The following DFFB variants were observed in gnomAD, a reference collection of about 807,000 sequenced individuals.
DFFB encodes DNA fragmentation factor 40 kDa subunit.
In DFFB, 29 loss-of-function variants were observed where a neutral mutation model predicts 32.7. That is an observed-to-expected ratio of 0.89 (90% CI 0.66 to 1.21). The LOEUF (loss-of-function observed/expected upper bound fraction) is 1.21. Ranked by LOEUF, DFFB falls within the 50% of genes most tolerant of loss-of-function variation. The pLI is 0.00. For missense variants in DFFB, 398 were observed against 440.6 expected (o/e 0.90, Z 0.87); for synonymous variants, 170 against 177.1 (o/e 0.96, Z 0.32).
At chr1:3,877,328 G>GTTTTTTTT (rs5772128) in intron 6 of DFFB, among the ~76,000 whole-genome samples, 2,169 of 113,690 alleles carry the variant, frequency 0.019, 201 homozygotes, top group African/African-American at 0.074. Flanking sequence ...TGGGAGTTCA[G>GTTTTTTTT]TTTTTTTTTT....
rs201777970 is a variant in DFFB at position 3,883,744 on chromosome 1, C to G, written c.*3C>G. 10 of 1,612,250 alleles carry G rather than the reference C, an allele frequency of 6.2e-6. No individual in the cohort carries two copies. Among genetic ancestry groups the G allele is most frequent in the Non-Finnish European group, 7.6e-6 (9 of 1,178,438 alleles). On this transcript the variant is annotated 3_prime_UTR_variant, in exon 7 of 7. Transcript: ENST00000378209. ...AGCCTGTGCGGAAACGCCAGTGACA[C>G]GTACACACCACGTCCTGGTCTTTGT...
Position 3,872,648 on chromosome 1 carries a change from T to TGGCCCTGTCCCTGCCAC in DFFB, c.782+96_782+112dup, listed in dbSNP as rs903383818. 9 of 424,978 alleles carry TGGCCCTGTCCCTGCCAC rather than the reference T, an allele frequency of 2.1e-5. 1 individual carries two copies. Among genetic ancestry groups the TGGCCCTGTCCCTGCCAC allele is most frequent in the African/African-American group, 8.2e-5 (2 of 24,268 alleles). The allele number at this position is 424,978 out of a possible 1,614,324, so 26.3% of individuals were successfully genotyped here. On this transcript the variant is annotated intron_variant, in intron 6 of 6. Coordinates refer to ENST00000378209, the MANE Select transcript of DFFB (RefSeq NM_004402.4). ...CCCTGCCGTGGCCCTGTCCCTGCCA[T>TGGCCCTGTCCCTGCCAC]GGCCCTGTCCCTGCCACGGCCCTGT...
intron 2 of DFFB, among the ~76,000 whole-genome samples, chr1:3,859,467 C>T (rs1644837235): frequency 6.6e-6 from 1 of 152,202 alleles, no homozygotes; most frequent in Non-Finnish European, 1.5e-5. Context: ...CAGGAGATGC[C>T]ATCATGTGCC....
chr1:3,862,241 A>G (rs1462275239), intron 2 of DFFB, among the ~76,000 whole-genome samples: 2 of 152,234 alleles, frequency 1.3e-5, no homozygotes, highest in Admixed American at 6.5e-5. Flanking sequence ...TTAACATCCC[A>G]TGTTCATGGA....
At chr1:3,872,994 C>CCTTTTT (rs1162335138) in intron 6 of DFFB, 1 of 1,273,882 alleles carries the variant, frequency 7.9e-7, no homozygotes, top group African/African-American at 1.5e-5. Flanking sequence ...GGTGTTTTTC[C>CCTTTTT]CTTTTTCTTT....
chr1:3,857,722 C>G lies in DFFB; in HGVS notation c.114+5C>G, dbSNP rs773935452. ...AAGGGCTGTCTCCGCTTCCAGGTGCCCGCTGGGCTAGGCGGGGACGGCCCG... is the reference window on the plus strand; with the variant it reads ...AAGGGCTGTCTCCGCTTCCAGGTGCGCGCTGGGCTAGGCGGGGACGGCCCG... On this transcript the variant is annotated splice_donor_5th_base_variant and intron_variant, in intron 1 of 6. Coordinates refer to ENST00000378209, the MANE Select transcript of DFFB (RefSeq NM_004402.4). 2 of 1,516,372 alleles carry G rather than the reference C, an allele frequency of 1.3e-6. No individual in the cohort carries two copies. The highest frequency in any genetic ancestry group is 1.8e-6 in the Non-Finnish European group (2 of 1,129,970). The allele number at this position is 1,516,372 out of a possible 1,614,324, so 93.9% of individuals were successfully genotyped here.
In DFFB at chr1:3,880,383, C is replaced by T. The variant is rs183243156; in HGVS notation, c.783-3124C>T. Among the ~76,000 whole-genome samples the T allele has an allele frequency of 1.1e-3, 165 of 152,336 alleles. 1 individual carries two copies. Among genetic ancestry groups the T allele is most frequent in the African/African-American group, 3.8e-3 (158 of 41,562 alleles). ...GATTTTCATCTGCAGCTATAAGAAA[C>T]GATAACCTTGAGTCCAACGGCTCAC... On this transcript the variant is annotated intron_variant, in intron 6 of 6. Coordinates refer to ENST00000378209, the MANE Select transcript of DFFB (RefSeq NM_004402.4).
chr1:3,858,157 T>C (rs957979267), intron 1 of DFFB, among the ~76,000 whole-genome samples: 3 of 152,202 alleles, frequency 2.0e-5, no homozygotes, highest in African/African-American at 7.2e-5. Context: ...GTTTTCTTTT[T>C]AGACCAGTAC....
intron 5 of DFFB, 101 bp downstream of exon 5, chr1:3,869,876 G>C (rs1645076940): frequency 1.6e-6 from 2 of 1,289,892 alleles, no homozygotes; most frequent in Admixed American, 2.8e-5. Context: ...TGCCCTGCCT[G>C]GGCAAAGCCT....
rs1445252692 is a variant in DFFB at position 3,862,527 on chromosome 1, GA to G, written c.242-3283del. The stretch of plus-strand genomic sequence containing the variant: ...ACAAGGACAGATATATAGATCAATG[GA>G]ATAGAACAGAGCACCCAGAAATCTA... On this transcript the variant is annotated intron_variant, in intron 2 of 6. Transcript: ENST00000378209. 5.3e-5 allele frequency among the ~76,000 whole-genome samples: 8 copies of G among 152,318 alleles called. No homozygotes were observed. The East Asian group carries it at 1.5e-3, about 29-fold the overall frequency.
At chr1:3,863,217 C>G (rs370532511) in intron 2 of DFFB, among the ~76,000 whole-genome samples, 3 of 152,138 alleles carry the variant, frequency 2.0e-5, no homozygotes, top group East Asian at 3.8e-4. Context: ...TAAACATGGG[C>G]AAAGGTTCTG....
intron 5 of DFFB, among the ~76,000 whole-genome samples, chr1:3,871,107 G>A (rs530443321): frequency 3.3e-5 from 5 of 152,274 alleles, no homozygotes; most frequent in Admixed American, 2.0e-4. Flanking sequence ...TGCTTCTCAC[G>A]CGCTGGTCCT....
At chr1:3,872,328 G>T in intron 5 of DFFB, 144 bp from the exon 6 acceptor site, 1 of 602,822 alleles carries the variant, frequency 1.7e-6, no homozygotes, top group Non-Finnish European at 2.9e-6. Flanking sequence ...CAGGAGAATC[G>T]CTTCAACACG....
Position 3,865,815 on chromosome 1 carries a change from T to A in DFFB, c.245T>A (p.Val82Glu), listed in dbSNP as rs938964317. 5.0e-6 allele frequency: 8 copies of A among 1,614,004 alleles called. No homozygotes were observed. Among genetic ancestry groups the A allele is most frequent in the Non-Finnish European group, 5.9e-6 (7 of 1,180,036 alleles). The change falls in exon 3 of 7, where the codon GTG becomes GAG. Residue 82 changes from valine to glutamate, a missense_variant. By Grantham distance (121) the Val-to-Glu change is moderately radical. Transcript: ENST00000378209. The surrounding 1 kb of genome is among the most constrained non-coding windows in gnomAD (Gnocchi z 4.7). ...TTGTTTGTCCCATTGGTGGCAGATGTGAGCGACATCAGGCGCTTCCTCAGT... is the reference window on the plus strand; with the variant it reads ...TTGTTTGTCCCATTGGTGGCAGATGAGAGCGACATCAGGCGCTTCCTCAGT... ...LTLGQAWQGY[V>E]SDIRRFLSAF...
intron 5 of DFFB, 35 bp from the exon 6 acceptor site, chr1:3,872,437 T>C (rs1052479892): frequency 1.3e-6 from 2 of 1,516,076 alleles, no homozygotes; most frequent in Admixed American, 1.8e-5. Context: ...AGAGACTCAC[T>C]TTCTGGCCTT....
Position 3,883,607 on chromosome 1 carries a change from A to G in DFFB, c.883A>G (p.Thr295Ala). 1 of 1,614,114 alleles carries G rather than the reference A, an allele frequency of 6.2e-7. No homozygotes were observed. Among genetic ancestry groups the G allele is most frequent in the South Asian group, 1.1e-5 (1 of 91,082 alleles). ...DWEYFYGLLF[T>A]SENLKLVHIV... is the part of the protein sequence containing the mutation. ...GGAGTATTTTTATGGCCTGCTTTTT[A>G]CCTCAGAGAACCTAAAACTAGTGCA... is the stretch of plus-strand genomic sequence containing the variant. The change falls in exon 7 of 7, where the codon ACC becomes GCC. Residue 295 changes from threonine (T) to alanine (A), a missense_variant. By Grantham distance (58) the Thr-to-Ala change is moderately conservative. Coordinates refer to ENST00000378209, the MANE Select transcript of DFFB (RefSeq NM_004402.4).
At chr1:3,870,554 T>C (rs1004851553) in intron 5 of DFFB, among the ~76,000 whole-genome samples, 1 of 152,236 alleles carries the variant, frequency 6.6e-6, no homozygotes, top group Non-Finnish European at 1.5e-5. Context: ...GTACTTACTT[T>C]GTGCCTGGCA....
At chr1:3,880,464 C>G (rs186132458) in intron 6 of DFFB, among the ~76,000 whole-genome samples, 1 of 152,322 alleles carries the variant, frequency 6.6e-6, no homozygotes. Context: ...GTCTCAGGGA[C>G]CCCTCCCTGC....
At chr1:3,858,097 C>T (rs1047128386) in intron 1 of DFFB, among the ~76,000 whole-genome samples, 24 of 152,236 alleles carry the variant, frequency 1.6e-4, no homozygotes, top group Non-Finnish European at 2.5e-4. Context: ...CTGCAGGCCC[C>T]TTCCAGCCCT....
Sources: gnomAD v4.1 joint callset for allele counts (sites outside exome capture counted in the v4.1 genomes callset) on GRCh38, gnomAD v4.1.1 for gene constraint, Gnocchi (gnomAD v3.1) non-coding constraint, MANE v1.5 for transcripts, NCBI Gene and HGNC (gene_info 2026-07-23, HGNC 2026-07-21) for gene names.